ADAM23: variants seen among roughly 807,000 people sequenced by gnomAD.
ADAM23 encodes ADAM metallopeptidase domain 23.
ADAM23 carries 33 observed loss-of-function variants against 120.1 expected under a neutral mutation model. The ratio of observed to expected loss-of-function variants is 0.27; its 90% CI spans 0.21 to 0.37. The LOEUF is 0.37. Ranked by LOEUF, ADAM23 falls within the 10% of genes least tolerant of loss-of-function variation. The pLI, the probability that ADAM23 is intolerant of heterozygous loss-of-function variation, is 1.00. For missense variants in ADAM23, 862 were observed against 1,058.2 expected (o/e 0.81, Z 2.57); for synonymous variants, 367 against 375.2 (o/e 0.98, Z 0.25).
intron 6 of ADAM23, among the ~76,000 whole-genome samples, chr2:206,544,982 C>G (rs368617285): frequency 6.6e-6 from 1 of 151,694 alleles, no homozygotes; most frequent in Non-Finnish European, 1.5e-5. Flanking sequence ...CTAGGGTGTT[C>G]GAGGAGCTTT....
chr2:206,471,091 C>T (rs1215429317), intron 2 of ADAM23, among the ~76,000 whole-genome samples: 4 of 152,116 alleles, frequency 2.6e-5, no homozygotes, highest in South Asian at 2.1e-4. Flanking sequence ...ATCAGTGAAT[C>T]GAGGTATTTC....
intron 24 of ADAM23, among the ~76,000 whole-genome samples, chr2:206,602,706 ATGTC>A (rs773502158): frequency 2.0e-5 from 3 of 152,190 alleles, no homozygotes; most frequent in Non-Finnish European, 4.4e-5. Flanking sequence ...CATTTTCAAA[ATGTC>A]TGAAGCATGA....
intron 2 of ADAM23, among the ~76,000 whole-genome samples, chr2:206,459,351 C>A: frequency 6.6e-6 from 1 of 152,184 alleles, no homozygotes; most frequent in East Asian, 1.9e-4. Flanking sequence ...TAACTATATC[C>A]TTATTTATTC....
At chr2:206,532,649 G>T (rs1435474996) in intron 4 of ADAM23, among the ~76,000 whole-genome samples, 2 of 152,034 alleles carry the variant, frequency 1.3e-5, no homozygotes, top group Admixed American at 1.3e-4. Context: ...ATGATATGGT[G>T]CACACTATTT....
At chr2:206,597,051 A>C (rs961313054) in intron 24 of ADAM23, among the ~76,000 whole-genome samples, 31 of 151,320 alleles carry the variant, frequency 2.0e-4, no homozygotes, top group Admixed American at 1.4e-3. Flanking sequence ...TTTTTTGTAG[A>C]GACAAGGTGT....
At chr2:206,454,494 TCTC>T (rs1282621268) in intron 2 of ADAM23, among the ~76,000 whole-genome samples, 1 of 152,064 alleles carries the variant, frequency 6.6e-6, no homozygotes, top group Non-Finnish European at 1.5e-5. Flanking sequence ...CCATCCCAAA[TCTC>T]CTGTTCTTCT....
At chr2:206,589,581 A>G in intron 21 of ADAM23, 67 bp downstream of exon 21, 1 of 1,297,628 alleles carries the variant, frequency 7.7e-7, no homozygotes, top group Non-Finnish European at 1.1e-6. Context: ...GTGCAAAATG[A>G]GCACAAAATA....
Position 206,443,582 on chromosome 2 carries a change from C to G in ADAM23, c.-285C>G, listed in dbSNP as rs1695001116. The G allele has an allele frequency of 2.1e-5, 3 of 145,952 alleles. No individual in the cohort carries two copies. Among genetic ancestry groups the G allele is most frequent in the South Asian group, 4.2e-4 (2 of 4,752 alleles). 9.0% of individuals were successfully genotyped at this position (145,952 alleles called of 1,614,324 possible). On this transcript the variant is annotated 5_prime_UTR_variant, in exon 1 of 26. Coordinates refer to ENST00000264377, the MANE Select transcript of ADAM23 (RefSeq NM_003812.4). ...GCAGTCGCTGAAGCGGCCGCGCCCGCCGGGGGAGGGAGTAGCCGCTGGGGA... is the reference window on the plus strand; with the variant it reads ...GCAGTCGCTGAAGCGGCCGCGCCCGGCGGGGGAGGGAGTAGCCGCTGGGGA...
chr2:206,570,751 C>T lies in ADAM23; in HGVS notation c.1506C>T (p.Pro502=), dbSNP rs1697979585. ...LFNRPTKLFE[P]TECGNGYVEA... ...CCTAATCTCTTTAGCTATTTGAGCC[C>T]ACGGAATGTGGAAATGGATACGTGG... Residue 502 remains proline (P), a synonymous_variant, in exon 16 of 26, where the codon CCC becomes CCT. Transcript: ENST00000264377. 6.2e-7 allele frequency: 1 copy of T among 1,613,642 alleles called. No individual in the cohort carries two copies. Among genetic ancestry groups the T allele is most frequent in the African/African-American group, 1.3e-5 (1 of 74,890 alleles).
At chr2:206,460,587 T>C (rs1360077853) in intron 2 of ADAM23, among the ~76,000 whole-genome samples, 1 of 152,188 alleles carries the variant, frequency 6.6e-6, no homozygotes, top group African/African-American at 2.4e-5. Context: ...TTGTGTTTTT[T>C]TTGGTTGTTG....
chr2:206,536,637 G>A (rs1005273631), intron 4 of ADAM23, among the ~76,000 whole-genome samples: 8 of 152,060 alleles, frequency 5.3e-5, no homozygotes, highest in Non-Finnish European at 5.9e-5. Flanking sequence ...AATAAGACAT[G>A]TTAATTTGAT....
chr2:206,476,746 A>C (rs1315417475), intron 2 of ADAM23, among the ~76,000 whole-genome samples: 1 of 152,200 alleles, frequency 6.6e-6, no homozygotes, highest in Non-Finnish European at 1.5e-5. Context: ...GTGATGATCC[A>C]TAGTGTAGGC....
At chr2:206,473,599 T>TAATAATAATAATAATAATAAC (rs545339986) in intron 2 of ADAM23, among the ~76,000 whole-genome samples, 139 of 148,538 alleles carry the variant, frequency 9.4e-4, no homozygotes, top group South Asian at 1.3e-3. Flanking sequence ...ATAATAATAA[T>TAATAATAATAATAATAATAAC]AACAACAACA....
intron 2 of ADAM23, among the ~76,000 whole-genome samples, chr2:206,465,778 T>G (rs867238136): frequency 6.6e-6 from 1 of 152,230 alleles, no homozygotes; most frequent in South Asian, 2.1e-4. Context: ...AAGAAAAGTC[T>G]TCTTGCTGTC....
chr2:206,549,008 C>T (rs1211379523), intron 8 of ADAM23, among the ~76,000 whole-genome samples: 3 of 151,914 alleles, frequency 2.0e-5, no homozygotes, highest in Non-Finnish European at 2.9e-5. Flanking sequence ...GGCTAGAAAG[C>T]TGTAATGATG....
rs931079054 is a variant in ADAM23, at chr2:206,600,003, C to T, written c.2359+3841C>T. On this transcript the variant is annotated intron_variant, in intron 24 of 25. Coordinates refer to ENST00000264377, the MANE Select transcript of ADAM23 (RefSeq NM_003812.4). Reference sequence around the variant, plus strand: ...GATCACAAGGTCAGGAGATCGAGACCATCCTGGCTAACACAGTGAAGCCTC... The same window carrying T: ...GATCACAAGGTCAGGAGATCGAGACTATCCTGGCTAACACAGTGAAGCCTC... Among the ~76,000 whole-genome samples, 7 of 152,158 alleles carry T rather than the reference C, an allele frequency of 4.6e-5. No individual in the cohort carries two copies. In the South Asian group the frequency reaches 6.2e-4, roughly 14 times the overall value.
In ADAM23 at chr2:206,549,219, T is replaced by A. The variant is rs183976399; in HGVS notation, c.867+865T>A. 8.4e-3 allele frequency among the ~76,000 whole-genome samples: 1,275 copies of A among 151,708 alleles called. 19 individuals are homozygous for A. Among genetic ancestry groups the A allele is most frequent in the South Asian group, 0.046 (224 of 4,826 alleles). Reference sequence around the variant, plus strand: ...ATCAAAAACTTAGTTCCAGTTTAAATTTTCCTCCCTTTTATGAAACTCTTA... The same window carrying A: ...ATCAAAAACTTAGTTCCAGTTTAAAATTTCCTCCCTTTTATGAAACTCTTA... On this transcript the variant is annotated intron_variant, in intron 8 of 25. Coordinates refer to ENST00000264377, the MANE Select transcript of ADAM23 (RefSeq NM_003812.4).
At chr2:206,512,280 G>T (rs927364022) in intron 3 of ADAM23, among the ~76,000 whole-genome samples, 2 of 152,138 alleles carry the variant, frequency 1.3e-5, no homozygotes, top group African/African-American at 4.8e-5. Flanking sequence ...TTCTTCTCTA[G>T]TTAAGAATTG....
intron 2 of ADAM23, among the ~76,000 whole-genome samples, chr2:206,460,561 T>G (rs1461830967): frequency 6.6e-6 from 1 of 152,208 alleles, no homozygotes; most frequent in Non-Finnish European, 1.5e-5. Context: ...CTTCGCTCAT[T>G]TTCTAATCTA....
Sources: allele counts gnomAD v4.1 joint callset (sites outside exome capture counted in the v4.1 genomes callset), GRCh38; gene constraint gnomAD v4.1.1; transcripts MANE v1.5; gene names NCBI Gene and HGNC (gene_info 2026-07-23, HGNC 2026-07-21).